PLXNA1: variants seen among roughly 807,000 people sequenced by gnomAD.
PLXNA1 encodes the protein plexin A1.
PLXNA1 carries 77 observed loss-of-function variants against 191.7 expected under a neutral mutation model. The observed-to-expected ratio is 0.40, with a 90% confidence interval of 0.33 to 0.49. The LOEUF (loss-of-function observed/expected upper bound fraction) is 0.49, where lower values mean the gene tolerates loss of function less well. Among genes scored for constraint, PLXNA1 ranks in the 20% least tolerant of loss-of-function variants. The pLI, the probability that PLXNA1 is intolerant of heterozygous loss-of-function variation, is 0.63. For missense variants in PLXNA1, 2,110 were observed against 2,660.2 expected (o/e 0.79, Z 4.55); for synonymous variants, 1,137 against 1,156.4 (o/e 0.98, Z 0.34).
chr3:127,032,421 A>T lies in PLXNA1; in HGVS notation c.5266A>T (p.Asn1756Tyr). 1 of 1,613,892 alleles carries T rather than the reference A, an allele frequency of 6.2e-7. No homozygotes were observed. The highest frequency in any genetic ancestry group is 8.5e-7 in the Non-Finnish European group (1 of 1,179,994). ...PLRFWVNVIK[N>Y]PQFVFDIHKN... ...GCGCTTCTGGGTGAACGTGATCAAGAACCCACAGTTTGTGTTCGACATTCA... is the reference window on the plus strand; with the variant it reads ...GCGCTTCTGGGTGAACGTGATCAAGTACCCACAGTTTGTGTTCGACATTCA... The change falls in exon 30 of 32, where the codon AAC (asparagine) becomes TAC (tyrosine). Residue 1756 changes from asparagine to tyrosine, a missense_variant. This residue lies in a region of PLXNA1 where 559 missense variants were observed against 911.5 expected (regional missense o/e 0.61). Transcript: ENST00000393409.
intron 27 of PLXNA1, 133 bp from the exon 28 acceptor site, chr3:127,029,741 C>T (rs1046707338): frequency 3.4e-6 from 4 of 1,160,236 alleles, no homozygotes; most frequent in Admixed American, 2.4e-5. Flanking sequence ...TATGCCACCT[C>T]TGTGGTGTCA....
Position 127,007,786 on chromosome 3 carries a change from C to CCT in PLXNA1, c.1998-9_1998-8dup. 6.3e-7 allele frequency: 1 copy of CCT among 1,592,596 alleles called. No homozygotes were observed. The highest frequency in any genetic ancestry group is 1.1e-5 in the South Asian group (1 of 89,686). On this transcript the variant is annotated splice_polypyrimidine_tract_variant and intron_variant, in intron 8 of 31. Coordinates refer to ENST00000393409, the MANE Select transcript of PLXNA1 (RefSeq NM_032242.4). Reference sequence around the variant, plus strand: ...CGGGTCCCCAGGCTTCAGCACCCACCCTCTCCCTGCAGCTGCCTGTCCTGT... The same window carrying CCT: ...CGGGTCCCCAGGCTTCAGCACCCACCCTCTCTCCCTGCAGCTGCCTGTCCTGT...
In PLXNA1 at chr3:127,014,828, C is replaced by T. The variant is rs781517883; in HGVS notation, c.2874C>T (p.Phe958=). The T allele has an allele frequency of 6.2e-6, 10 of 1,611,436 alleles. No individual in the cohort carries two copies. Among genetic ancestry groups the T allele is most frequent in the African/African-American group, 2.7e-5 (2 of 74,912 alleles). ...YRALSPKRFT[F]VTPTFYRVSP... is the part of the protein sequence containing the mutation. ...CCCTGTCACCCAAGCGCTTCACCTT[C>T]GTGGTGAGTCTGCTGCCCTCCCTCT... Residue 958 remains phenylalanine (F), a synonymous_variant, in exon 14 of 32, where the codon TTC becomes TTT. Transcript: ENST00000393409.
At chr3:127,009,721 G>T (rs2079086691) in intron 9 of PLXNA1, among the ~76,000 whole-genome samples, 1 of 152,164 alleles carries the variant, frequency 6.6e-6, no homozygotes, top group African/African-American at 2.4e-5. Flanking sequence ...GGGTCTCTGT[G>T]GCCCCTTCTT....
At chr3:126,984,776 C>A (rs1050712426) in intron 1 of PLXNA1, among the ~76,000 whole-genome samples, 1 of 152,208 alleles carries the variant, frequency 6.6e-6, no homozygotes, top group Non-Finnish European at 1.5e-5. Context: ...CCTGGCCCCC[C>A]AAGGTCGTTG....
At position 127,034,117 on chromosome 3, in the gene PLXNA1, GGGCCGCCGCAGTGCAGCGACTGCCC is replaced by G; in HGVS notation, c.*105_*129del. On this transcript the variant is annotated 3_prime_UTR_variant, in exon 32 of 32. Transcript: ENST00000393409. ...GCGTGTGGAGTGTCCGGTGGTGCTCGGGCCGCCGCAGTGCAGCGACTGCCCGGCCCTCCCTCCCCTGCCTCACCCG... is the reference window on the plus strand; with the variant it reads ...GCGTGTGGAGTGTCCGGTGGTGCTCGGGCCCTCCCTCCCCTGCCTCACCCG... The G allele has an allele frequency of 8.9e-7, 1 of 1,121,712 alleles. No individual in the cohort carries two copies. Among genetic ancestry groups the G allele is most frequent in the Non-Finnish European group, 1.3e-6 (1 of 790,464 alleles). 69.5% of individuals were successfully genotyped at this position (1,121,712 alleles called of 1,614,324 possible). A position where few individuals can be genotyped will look rare whatever the true frequency, so the allele number is the denominator to read the frequency against.
chr3:127,005,289 G>A (rs541827996), intron 7 of PLXNA1, 46 bp downstream of exon 7: 5 of 1,562,882 alleles, frequency 3.2e-6, no homozygotes, highest in Admixed American at 3.7e-5. Context: ...GCCAGGTCCA[G>A]GGCTGCAATC....
chr3:127,014,115 G>C lies in PLXNA1; in HGVS notation c.2409G>C (p.Gln803His). 1 of 1,613,714 alleles carries C rather than the reference G, an allele frequency of 6.2e-7. No homozygotes were observed. Among genetic ancestry groups the C allele is most frequent in the Non-Finnish European group, 8.5e-7 (1 of 1,179,900 alleles). ...TCATTGACAACCCACAGAACATCCA[G>C]GGTGAGTGGGCGCCCCGGCGGGGTG... ...NFVIDNPQNIQAHLYKCPALR... is the reference protein window; with the variant it reads ...NFVIDNPQNIHAHLYKCPALR... Residue 803 changes from glutamine to histidine, a missense_variant and splice_region_variant, in exon 11 of 32, where the codon CAG (glutamine) becomes CAC (histidine). Physicochemically the swap from Gln to His is conservative, Grantham distance 24. Transcript: ENST00000393409.
At chr3:127,013,150 C>A (rs779038198) in intron 10 of PLXNA1, among the ~76,000 whole-genome samples, 1 of 152,184 alleles carries the variant, frequency 6.6e-6, no homozygotes, top group African/African-American at 2.4e-5. Context: ...TCACTCCTGG[C>A]CACCACAGCT....
chr3:127,022,606 C>T, intron 22 of PLXNA1, 146 bp from the exon 23 acceptor site: 1 of 830,790 alleles, frequency 1.2e-6, no homozygotes, highest in Non-Finnish European at 2.0e-6. Context: ...GCTGCCCACT[C>T]ATGTGGGTGC....
chr3:127,022,692 G>A (rs1320637485), intron 22 of PLXNA1, 60 bp from the exon 23 acceptor site: 20 of 1,463,742 alleles, frequency 1.4e-5, no homozygotes, highest in Non-Finnish European at 1.9e-5. Flanking sequence ...GCCTGCAGGG[G>A]CCCTGTGCCT....
Position 127,005,248 on chromosome 3 carries a change from G to C in PLXNA1, c.1897+5G>C, listed in dbSNP as rs761286405. 1 of 1,601,286 alleles carries C rather than the reference G, an allele frequency of 6.2e-7. No individual in the cohort carries two copies. The highest frequency in any genetic ancestry group is 8.5e-7 in the Non-Finnish European group (1 of 1,174,846). ...CGCCCATCACGCGGGGCCAGGGTGA[G>C]TGGCCCCAACACAATGGTGCCCGCT... On this transcript the variant is annotated splice_donor_5th_base_variant and intron_variant, in intron 7 of 31. Transcript: ENST00000393409.
rs1453987088 is a variant in PLXNA1, at chr3:127,014,378, A to G, written c.2604+3A>G. The G allele has an allele frequency of 6.3e-7, 1 of 1,586,602 alleles. No homozygotes were observed. The highest frequency in any genetic ancestry group is 1.3e-5 in the African/African-American group (1 of 74,784). On this transcript the variant is annotated splice_donor_region_variant and intron_variant, in intron 12 of 31. Coordinates refer to ENST00000393409, the MANE Select transcript of PLXNA1 (RefSeq NM_032242.4). ...GCACCGACCCCAAGATCCTCAAGGT[A>G]GGGCCCCCAGCCCTGCCCCCACACC...
chr3:127,028,949 A>G (rs1235764656), intron 25 of PLXNA1, 44 bp from the exon 26 acceptor site: 3 of 1,483,110 alleles, frequency 2.0e-6, no homozygotes, highest in Non-Finnish European at 2.8e-6. Flanking sequence ...GAGGAGGGAA[A>G]GAGGGCCCCA....
chr3:127,010,643 C>T (rs2079090668), intron 9 of PLXNA1, among the ~76,000 whole-genome samples: 1 of 152,134 alleles, frequency 6.6e-6, no homozygotes, highest in Non-Finnish European at 1.5e-5. Flanking sequence ...GCTGGGCCCA[C>T]ACGCTCACAC....
intron 3 of PLXNA1, among the ~76,000 whole-genome samples, chr3:126,992,637 G>T (rs996270400): frequency 6.6e-6 from 1 of 152,084 alleles, no homozygotes; most frequent in South Asian, 2.1e-4. Context: ...CTGGGGGCGG[G>T]GGGTGCTGGT....
chr3:126,988,072 C>T (rs7649170), intron 1 of PLXNA1, among the ~76,000 whole-genome samples: 5,570 of 152,230 alleles, frequency 0.037, 329 homozygotes, highest in African/African-American at 0.13. Flanking sequence ...AGTATGTCCC[C>T]ACCAGCCTCA....
At chr3:126,987,219 A>ATC (rs1349407191) in intron 1 of PLXNA1, among the ~76,000 whole-genome samples, 4 of 152,254 alleles carry the variant, frequency 2.6e-5, no homozygotes, top group Admixed American at 2.6e-4. Context: ...CATCAGAGTC[A>ATC]TCTGCCTACA....
intron 3 of PLXNA1, among the ~76,000 whole-genome samples, chr3:126,993,664 C>T (rs1281967890): frequency 6.6e-6 from 1 of 152,244 alleles, no homozygotes; most frequent in Non-Finnish European, 1.5e-5. Flanking sequence ...GTGTGAGTGG[C>T]ACCCTTTGGG....
Sources: allele counts gnomAD v4.1 joint callset (sites outside exome capture counted in the v4.1 genomes callset), GRCh38; gene constraint gnomAD v4.1.1; regional missense constraint gnomAD v4.1.1; transcripts MANE v1.5; gene names NCBI Gene and HGNC (gene_info 2026-07-23, HGNC 2026-07-21).